The following PPP1R13B variants were observed in gnomAD, a reference collection of about 807,000 sequenced individuals.
The protein encoded by PPP1R13B is protein phosphatase 1 regulatory subunit 13B, also known as apoptosis-stimulating of p53 protein 1.
Under a neutral mutation model 119.8 loss-of-function variants are expected in PPP1R13B, and 44 were observed. The ratio of observed to expected loss-of-function variants is 0.37; its 90% CI spans 0.29 to 0.47. The LOEUF is 0.47. Ranked by LOEUF, PPP1R13B falls within the 20% of genes least tolerant of loss-of-function variation. The probability of loss-of-function intolerance (pLI) is 0.99; values close to 1 mark genes in which losing one functional copy is unlikely to be tolerated. For missense variants in PPP1R13B, 1,227 were observed against 1,413.5 expected (o/e 0.87, Z 2.12); for synonymous variants, 542 against 561.5 (o/e 0.97, Z 0.49).
chr14:103,772,734 G>A (rs1013541717), intron 4 of PPP1R13B, among the ~76,000 whole-genome samples: 8 of 150,822 alleles, frequency 5.3e-5, no homozygotes, highest in South Asian at 4.2e-4. Flanking sequence ...GTGCAGTGGC[G>A]CGATCTCAGC....
chr14:103,802,346 T>G (rs2085919996), intron 1 of PPP1R13B, among the ~76,000 whole-genome samples: 1 of 152,066 alleles, frequency 6.6e-6, no homozygotes, highest in Non-Finnish European at 1.5e-5. Context: ...TAATAATAAA[T>G]TTTCCCAAAT....
intron 1 of PPP1R13B, among the ~76,000 whole-genome samples, chr14:103,816,569 C>T (rs74823709): frequency 1.6e-3 from 235 of 151,500 alleles, no homozygotes; most frequent in African/African-American, 5.5e-3. Flanking sequence ...TGCCTGTAAT[C>T]CCAGTACTTG....
chr14:103,823,256 T>C (rs1043683645), intron 1 of PPP1R13B, among the ~76,000 whole-genome samples: 3 of 151,800 alleles, frequency 2.0e-5, no homozygotes, highest in Non-Finnish European at 1.5e-5. Context: ...GGAGAATCGC[T>C]TGAACCCAGG....
chr14:103,734,639 T>G lies in PPP1R13B; in HGVS notation c.*515A>C. The stretch of plus-strand genomic sequence containing the variant: ...AGGCATACACACTGGGCAGCAACAC[T>G]GGACATGTTTCCATACAGAGGCTCC... On this transcript the variant is annotated 3_prime_UTR_variant, in exon 17 of 17. Transcript: ENST00000202556. The G allele has an allele frequency of 2.2e-6, 1 of 456,588 alleles. No individual in the cohort carries two copies. The highest frequency in any genetic ancestry group is 3.3e-4 in the Middle Eastern group (1 of 3,070). The allele number at this position is 456,588 out of a possible 1,614,324, so 28.3% of individuals were successfully genotyped here.
chr14:103,797,269 C>G, intron 2 of PPP1R13B, 102 bp downstream of exon 2: 10 of 1,207,754 alleles, frequency 8.3e-6, no homozygotes, highest in Non-Finnish European at 1.1e-5. Context: ...TACTTTTTTT[C>G]CCCATCTTTA....
chr14:103,740,896 C>T lies in PPP1R13B; in HGVS notation c.1823-303G>A, dbSNP rs1291508919. On this transcript the variant is annotated intron_variant, in intron 11 of 16. Transcript: ENST00000202556. The surrounding 1 kb of genome is among the most constrained non-coding windows in gnomAD (Gnocchi z 4.6). ...ACTTTTCCTGCCGCAGACAAGCCTG[C>T]CTGTTTTCTGGCCAAGGAAAAAGAC... Among the ~76,000 whole-genome samples the T allele has an allele frequency of 6.6e-6, 1 of 152,252 alleles. No individual in the cohort carries two copies. The highest frequency in any genetic ancestry group is 2.4e-5 in the African/African-American group (1 of 41,468).
At chr14:103,847,715 C>T (rs570273444), upstream of PPP1R13B, 59 of 784,710 alleles carry the variant, frequency 7.5e-5, no homozygotes, top group African/African-American at 1.0e-3. Flanking sequence ...CCGGCTCCGC[C>T]CGCTACCCTC....
At chr14:103,757,444 T>A (rs1360705365) in intron 5 of PPP1R13B, among the ~76,000 whole-genome samples, 1 of 152,234 alleles carries the variant, frequency 6.6e-6, no homozygotes, top group Non-Finnish European at 1.5e-5. Flanking sequence ...ATGCTCTTGT[T>A]CTGATAGCTT....
At chr14:103,841,671 C>G (rs376152444) in intron 1 of PPP1R13B, among the ~76,000 whole-genome samples, 2 of 152,240 alleles carry the variant, frequency 1.3e-5, no homozygotes, top group East Asian at 3.9e-4. Context: ...GCTGTAAAAT[C>G]AAGCTTATCA....
At chr14:103,737,453 G>T in intron 15 of PPP1R13B, 1 of 418,850 alleles carries the variant, frequency 2.4e-6, no homozygotes, top group Non-Finnish European at 4.2e-6. Flanking sequence ...GGACAAGCCT[G>T]TAGTCCCAGC....
At chr14:103,838,056 T>C (rs1000786893) in intron 1 of PPP1R13B, among the ~76,000 whole-genome samples, 2 of 151,402 alleles carry the variant, frequency 1.3e-5, no homozygotes, top group Non-Finnish European at 2.9e-5. Context: ...GAGGCGAAGG[T>C]TGCAGTGAGC....
intron 1 of PPP1R13B, among the ~76,000 whole-genome samples, chr14:103,809,715 G>C (rs997221140): frequency 7.2e-5 from 11 of 151,886 alleles, no homozygotes; most frequent in Admixed American, 2.0e-4. Context: ...CCAGACACGT[G>C]GGGGGCTGAG....
chr14:103,819,420 C>A (rs1281380046), intron 1 of PPP1R13B, among the ~76,000 whole-genome samples: 4 of 151,398 alleles, frequency 2.6e-5, no homozygotes, highest in African/African-American at 7.3e-5. Flanking sequence ...TCCCTTGAGC[C>A]CAGGAGTCTG....
Position 103,738,846 on chromosome 14 carries a change from C to T in PPP1R13B, c.2731-34G>A, listed in dbSNP as rs1025841442. ...CACGGCCTGTGAGCGCCCATCCCCT[C>T]GCCCCCAGCAGCGTGCACTGGTCCC... On this transcript the variant is annotated intron_variant, in intron 13 of 16. Coordinates refer to ENST00000202556, the MANE Select transcript of PPP1R13B (RefSeq NM_015316.3). The surrounding 1 kb of genome is among the most constrained non-coding windows in gnomAD (Gnocchi z 5.6). 3 of 1,613,564 alleles carry T rather than the reference C, an allele frequency of 1.9e-6. No individual in the cohort carries two copies. The highest frequency in any genetic ancestry group is 1.7e-6 in the Non-Finnish European group (2 of 1,179,594).
chr14:103,830,245 A>T (rs759656361), intron 1 of PPP1R13B, among the ~76,000 whole-genome samples: 15 of 151,496 alleles, frequency 9.9e-5, no homozygotes, highest in Admixed American at 2.6e-4. Context: ...ACAGGCACAC[A>T]CCACCATGCC....
Position 103,738,613 on chromosome 14 carries a change from C to G in PPP1R13B, c.2864+66G>C, listed in dbSNP as rs528649556. On this transcript the variant is annotated intron_variant, in intron 14 of 16. Transcript: ENST00000202556. The surrounding 1 kb of genome is among the most constrained non-coding windows in gnomAD (Gnocchi z 5.6). The stretch of plus-strand genomic sequence containing the variant: ...CCGTGCTTCCTAATTGTCTAGAACA[C>G]GCCTGTTTTCCTTATGCAAAGCAGG... 1.3e-6 allele frequency: 2 copies of G among 1,595,684 alleles called. No homozygotes were observed. The highest frequency in any genetic ancestry group is 1.7e-5 in the Admixed American group (1 of 59,512).
chr14:103,812,599 A>G (rs895696022), intron 1 of PPP1R13B, among the ~76,000 whole-genome samples: 22 of 151,924 alleles, frequency 1.4e-4, no homozygotes, highest in Admixed American at 3.3e-4. Context: ...TTGTATCATT[A>G]GTAGAGATGG....
At chr14:103,821,676 G>A (rs1451473830) in intron 1 of PPP1R13B, among the ~76,000 whole-genome samples, 3 of 152,032 alleles carry the variant, frequency 2.0e-5, no homozygotes, top group African/African-American at 4.8e-5. Flanking sequence ...GCTTGAACCC[G>A]GGAGGCAGAG....
At position 103,840,997 on chromosome 14, in the gene PPP1R13B, A is replaced by T. The variant is rs189141013; in HGVS notation, c.9+6302T>A. Among the ~76,000 whole-genome samples the T allele has an allele frequency of 2.1e-3, 310 of 151,018 alleles. 1 individual carries two copies. The highest frequency in any genetic ancestry group is 6.9e-3 in the African/African-American group (285 of 41,208). ...ACATATATAAACATATTAATTAAAA[A>T]TTTTTTTTGCCAGCAGCAGTGGCTC... On this transcript the variant is annotated intron_variant, in intron 1 of 16. Coordinates refer to ENST00000202556, the MANE Select transcript of PPP1R13B (RefSeq NM_015316.3).
Sources: allele counts gnomAD v4.1 joint callset (sites outside exome capture counted in the v4.1 genomes callset), GRCh38; gene constraint gnomAD v4.1.1; non-coding constraint Gnocchi (gnomAD v3.1); transcripts MANE v1.5; gene names NCBI Gene and HGNC (gene_info 2026-07-23, HGNC 2026-07-21).